ZNF385D: variants seen among roughly 807,000 people sequenced by gnomAD.
ZNF385D encodes zinc finger protein 385D.
A neutral mutation model predicts 35.8 loss-of-function variants in ZNF385D; 15 were observed. That is an observed-to-expected ratio of 0.42 (90% CI 0.28 to 0.64). The LOEUF (loss-of-function observed/expected upper bound fraction) is 0.64, where lower values mean the gene tolerates loss of function less well. Ranked by LOEUF, ZNF385D falls within the 30% of genes least tolerant of loss-of-function variation. ZNF385D has a pLI of 0.23. For missense variants in ZNF385D, 474 were observed against 494.6 expected (o/e 0.96, Z 0.39); for synonymous variants, 212 against 186.8 (o/e 1.13, Z -1.10).
chr3:22,329,178 C>T (rs925290370), intron 2 of ZNF385D, among the ~76,000 whole-genome samples: 19 of 152,036 alleles, frequency 1.2e-4, no homozygotes, highest in South Asian at 8.3e-4. Context: ...GTCCACCGTC[C>T]GTGCTGATGT....
At chr3:22,171,642 C>T (rs1016623248) in intron 2 of ZNF385D, among the ~76,000 whole-genome samples, 5 of 151,888 alleles carry the variant, frequency 3.3e-5, no homozygotes, top group Non-Finnish European at 5.9e-5. Context: ...TTTGGGAGGC[C>T]GAGGCGGGTG....
intron 2 of ZNF385D, among the ~76,000 whole-genome samples, chr3:22,302,700 T>C (rs1326677225): frequency 6.6e-6 from 1 of 152,074 alleles, no homozygotes; most frequent in Non-Finnish European, 1.5e-5. Context: ...ATAACTACCA[T>C]TTTAGATATT....
At position 21,534,500 on chromosome 3, in the gene ZNF385D, T is replaced by A. The variant is rs537797441; in HGVS notation, c.277-23477A>T. Reference sequence around the variant, plus strand: ...GAACTTTCATCAGTGGCAAATCACTTCCAAGCTGACCGGAAAAGAAGAGAG... The same window carrying A: ...GAACTTTCATCAGTGGCAAATCACTACCAAGCTGACCGGAAAAGAAGAGAG... On this transcript the variant is annotated intron_variant, in intron 3 of 7. Transcript: ENST00000281523. Among the ~76,000 whole-genome samples the A allele has an allele frequency of 8.5e-5, 13 of 152,124 alleles. 1 individual carries two copies. The South Asian group carries it at 2.7e-3, about 32-fold the overall frequency.
chr3:21,672,251 T>TTTTTC (rs199590378), intron 1 of ZNF385D, among the ~76,000 whole-genome samples: 19 of 151,718 alleles, frequency 1.3e-4, no homozygotes, highest in African/African-American at 3.9e-4. Flanking sequence ...GTTGTTTCTT[T>TTTTTC]TTTTCTTTTC....
chr3:22,107,388 T>A (rs1702281494), intron 3 of ZNF385D, among the ~76,000 whole-genome samples: 3 of 152,030 alleles, frequency 2.0e-5, no homozygotes. Flanking sequence ...TTTCTAGATT[T>A]TTTTCTGAGA....
chr3:21,943,261 ACT>A (rs1426899872), intron 3 of ZNF385D, among the ~76,000 whole-genome samples: 21 of 150,928 alleles, frequency 1.4e-4, no homozygotes, highest in African/African-American at 4.6e-4. Context: ...ATATTCACTG[ACT>A]CTATATTTGA....
intron 3 of ZNF385D, among the ~76,000 whole-genome samples, chr3:21,537,408 C>T (rs574728183): frequency 2.0e-5 from 3 of 151,828 alleles, no homozygotes; most frequent in Admixed American, 6.6e-5. Context: ...CTGTAATCAC[C>T]TGCTGGGATT....
chr3:21,642,494 G>A (rs1465166753), intron 2 of ZNF385D, among the ~76,000 whole-genome samples: 1 of 151,920 alleles, frequency 6.6e-6, no homozygotes, highest in Non-Finnish European at 1.5e-5. Context: ...TCCATAGCAT[G>A]ACATAACGTA....
intron 3 of ZNF385D, among the ~76,000 whole-genome samples, chr3:22,094,226 AT>A (rs35684710): frequency 1.4e-5 from 2 of 146,568 alleles, no homozygotes; most frequent in Non-Finnish European, 3.0e-5. Flanking sequence ...GTCAAGTAGC[AT>A]TTTTTTTTCA....
At chr3:21,955,205 A>G (rs751416825) in intron 3 of ZNF385D, among the ~76,000 whole-genome samples, 1 of 152,260 alleles carries the variant, frequency 6.6e-6, no homozygotes, top group African/African-American at 2.4e-5. Flanking sequence ...TGGATGCAAC[A>G]CTATAGGCAA....
chr3:22,096,287 C>T (rs980728514), intron 3 of ZNF385D, among the ~76,000 whole-genome samples: 2 of 151,810 alleles, frequency 1.3e-5, no homozygotes, highest in African/African-American at 2.4e-5. Context: ...ACCCAGGTAT[C>T]AAACCTGCAC....
intron 3 of ZNF385D, among the ~76,000 whole-genome samples, chr3:22,110,141 G>C (rs1036490867): frequency 6.6e-6 from 1 of 152,048 alleles, no homozygotes; most frequent in African/African-American, 2.4e-5. Context: ...GGAAACAACA[G>C]GTGCTGGAGA....
chr3:22,345,275 C>A (rs922176607), intron 2 of ZNF385D, among the ~76,000 whole-genome samples: 55 of 152,120 alleles, frequency 3.6e-4, no homozygotes, highest in Admixed American at 2.9e-3. Flanking sequence ...AGATACAGAG[C>A]AAAAGGTTTC....
intron 2 of ZNF385D, among the ~76,000 whole-genome samples, chr3:21,611,966 GCA>G (rs1491487026): frequency 6.6e-6 from 1 of 152,150 alleles, no homozygotes; most frequent in Non-Finnish European, 1.5e-5. Flanking sequence ...AAAAATGGAT[GCA>G]AAACTGAAGG....
chr3:22,303,218 G>T (rs1367650650), intron 2 of ZNF385D, among the ~76,000 whole-genome samples: 2 of 152,142 alleles, frequency 1.3e-5, no homozygotes, highest in Non-Finnish European at 2.9e-5. Flanking sequence ...CATGTATTGT[G>T]TGTTTTAGTA....
chr3:22,321,164 G>GTTTTT, intron 2 of ZNF385D, among the ~76,000 whole-genome samples: 29 of 76,156 alleles, frequency 3.8e-4, no homozygotes, highest in Admixed American at 5.2e-4. Flanking sequence ...TTATGACCTT[G>GTTTTT]TTTTTTTTTT....
chr3:22,350,949 AG>A (rs1695887027), intron 2 of ZNF385D, among the ~76,000 whole-genome samples: 1 of 152,062 alleles, frequency 6.6e-6, no homozygotes, highest in Non-Finnish European at 1.5e-5. Flanking sequence ...ACTCTCAGTA[AG>A]GCTGCACAAC....
intron 3 of ZNF385D, among the ~76,000 whole-genome samples, chr3:21,541,147 T>C (rs1388779124): frequency 6.6e-6 from 1 of 152,176 alleles, no homozygotes; most frequent in African/African-American, 2.4e-5. Flanking sequence ...TCTAAGAAAT[T>C]CTAGCAACGT....
intron 2 of ZNF385D, among the ~76,000 whole-genome samples, chr3:22,176,283 T>C (rs1243090600): frequency 2.0e-5 from 3 of 152,092 alleles, no homozygotes; most frequent in Non-Finnish European, 2.9e-5. Context: ...CAGGGGAAAG[T>C]CACAGAACAG....
Sources: allele counts gnomAD v4.1 joint callset (sites outside exome capture counted in the v4.1 genomes callset), GRCh38; gene constraint gnomAD v4.1.1; transcripts MANE v1.5; gene names NCBI Gene and HGNC (gene_info 2026-07-23, HGNC 2026-07-21).